The following CTNNAL1 variants were observed in gnomAD, a reference collection of about 807,000 sequenced individuals.
CTNNAL1 encodes the protein alpha-catulin.
A neutral mutation model predicts 93.6 loss-of-function variants in CTNNAL1; 69 were observed. The observed-to-expected ratio is 0.74, with a 90% confidence interval of 0.61 to 0.90. The LOEUF (loss-of-function observed/expected upper bound fraction) is 0.90, where lower values mean the gene tolerates loss of function less well. CTNNAL1 is among the 40% of genes least tolerant of loss of function. The pLI is 0.00. For synonymous variants in CTNNAL1, 286 were observed against 305.4 expected, an observed-to-expected ratio of 0.94 and a Z score of 0.66; for missense variants, 836 against 862.0, an observed-to-expected ratio of 0.97 and a Z score of 0.38.
At chr9:108,987,598 G>A (rs959260877) in intron 4 of CTNNAL1, among the ~76,000 whole-genome samples, 2 of 151,864 alleles carry the variant, frequency 1.3e-5, no homozygotes, top group African/African-American at 4.8e-5. Context: ...GGATGGCATT[G>A]AATCTATAAA....
At chr9:108,998,394 T>C (rs1439208970) in intron 2 of CTNNAL1, among the ~76,000 whole-genome samples, 1 of 152,060 alleles carries the variant, frequency 6.6e-6, no homozygotes, top group African/African-American at 2.4e-5. Flanking sequence ...CTTGCTTTTT[T>C]TTTTTTTTAC....
chr9:108,945,808 G>A (rs1830388335), intron 15 of CTNNAL1, among the ~76,000 whole-genome samples: 1 of 152,082 alleles, frequency 6.6e-6, no homozygotes, highest in African/African-American at 2.4e-5. Context: ...TCAATCCATA[G>A]TTGGTTGAAT....
intron 11 of CTNNAL1, among the ~76,000 whole-genome samples, chr9:108,958,794 C>T (rs1025856115): frequency 6.6e-6 from 1 of 151,564 alleles, no homozygotes; most frequent in Admixed American, 6.6e-5. Context: ...GGTGCAATCT[C>T]GGCTCACTGC....
At chr9:108,943,667 A>G in intron 17 of CTNNAL1, 36 bp downstream of exon 17, 2 of 1,563,056 alleles carry the variant, frequency 1.3e-6, no homozygotes, top group Non-Finnish European at 1.7e-6. Context: ...CCAGATAAAG[A>G]TAGATGTGTG....
At chr9:108,991,515 A>G (rs563754447) in intron 3 of CTNNAL1, among the ~76,000 whole-genome samples, 2 of 152,014 alleles carry the variant, frequency 1.3e-5, no homozygotes, top group South Asian at 2.1e-4. Flanking sequence ...ACATTATTAG[A>G]TTGTTTTAGT....
At chr9:108,972,119 G>A (rs1177675088) in intron 9 of CTNNAL1, among the ~76,000 whole-genome samples, 1 of 152,146 alleles carries the variant, frequency 6.6e-6, no homozygotes, top group Non-Finnish European at 1.5e-5. Context: ...ACCTTGGGCT[G>A]TCTCTGGGCC....
chr9:108,979,978 C>T (rs1303036893), intron 6 of CTNNAL1, among the ~76,000 whole-genome samples: 1 of 152,220 alleles, frequency 6.6e-6, no homozygotes, highest in Non-Finnish European at 1.5e-5. Context: ...AGTCACCTAA[C>T]TGGTCTCCCT....
intron 1 of CTNNAL1, among the ~76,000 whole-genome samples, chr9:109,005,372 C>T (rs1439245779): frequency 1.3e-5 from 2 of 152,156 alleles, no homozygotes; most frequent in East Asian, 3.9e-4. Context: ...TGTTTGTGTC[C>T]CATTCCCCCT....
intron 8 of CTNNAL1, 31 bp from the exon 9 acceptor site, chr9:108,972,864 G>GGGGGGGGGCCT: frequency 7.0e-6 from 1 of 142,590 alleles, no homozygotes; most frequent in Non-Finnish European, 1.0e-5. Flanking sequence ...GGGGGGGTGG[G>GGGGGGGGGCCT]AGGGTGGAGA....
intron 7 of CTNNAL1, among the ~76,000 whole-genome samples, chr9:108,978,341 A>G (rs1201985766): frequency 6.6e-6 from 1 of 152,228 alleles, no homozygotes; most frequent in African/African-American, 2.4e-5. Context: ...GAAATCTGTG[A>G]TTCATATCTA....
intron 14 of CTNNAL1, chr9:108,950,356 G>C: frequency 2.4e-6 from 2 of 841,196 alleles, no homozygotes; most frequent in Non-Finnish European, 3.5e-6. Context: ...CTCAATCACA[G>C]GATAAGCTTG....
intron 1 of CTNNAL1, among the ~76,000 whole-genome samples, chr9:109,010,346 T>C (rs1468613875): frequency 6.6e-6 from 1 of 152,230 alleles, no homozygotes; most frequent in African/African-American, 2.4e-5. Flanking sequence ...ACTGAGACTT[T>C]TGGTTTTTCC....
chr9:108,952,224 A>C lies in CTNNAL1; in HGVS notation c.1820T>G (p.Leu607Arg), dbSNP rs889029260. 1.9e-6 allele frequency: 3 copies of C among 1,610,758 alleles called. No homozygotes were observed. Among genetic ancestry groups the C allele is most frequent in the Non-Finnish European group, 2.5e-6 (3 of 1,178,824 alleles). The change falls in exon 14 of 19, where the codon CTG becomes CGG. Residue 607 changes from leucine (L) to arginine (R), a missense_variant. Coordinates refer to ENST00000325551, the MANE Select transcript of CTNNAL1 (RefSeq NM_003798.4). Reference protein sequence around the residue: ...GRNMSSMAYSLYLFTRGEGPL... With the variant: ...GRNMSSMAYSRYLFTRGEGPL... ...CTACATTTACCTAGTAAATAAATAC[A>C]GAGAATAGGCCATACTGGACATGTT...
intron 10 of CTNNAL1, among the ~76,000 whole-genome samples, chr9:108,969,403 T>C (rs184203779): frequency 6.6e-6 from 1 of 152,082 alleles, no homozygotes; most frequent in Non-Finnish European, 1.5e-5. Flanking sequence ...ACCTCTACTA[T>C]AGAAAATCCA....
intron 10 of CTNNAL1, among the ~76,000 whole-genome samples, chr9:108,969,585 C>G (rs1220277836): frequency 6.6e-6 from 1 of 152,066 alleles, no homozygotes; most frequent in Non-Finnish European, 1.5e-5. Context: ...TTCTGGTTAT[C>G]ATAATTATTA....
chr9:108,979,143 G>A (rs1831347942), intron 7 of CTNNAL1, 138 bp downstream of exon 7: 1 of 1,104,690 alleles, frequency 9.1e-7, no homozygotes, highest in East Asian at 2.6e-5. Context: ...CAACTAGGAG[G>A]GAAAGAAGGG....
chr9:109,010,669 A>G (rs1428601664), intron 1 of CTNNAL1, among the ~76,000 whole-genome samples: 1 of 152,028 alleles, frequency 6.6e-6, no homozygotes, highest in East Asian at 1.9e-4. Context: ...CTGTGAATGC[A>G]AAAAAAACTA....
In CTNNAL1 at chr9:109,013,355, GTCCCGAGTCGA is replaced by G; in HGVS notation, c.77_87del (p.Leu26ProfsTer24). The G allele has an allele frequency of 6.6e-7, 1 of 1,515,536 alleles. No individual in the cohort carries two copies. Among genetic ancestry groups the G allele is most frequent in the Admixed American group, 2.1e-5 (1 of 46,600 alleles). The allele number at this position is 1,515,536 out of a possible 1,614,324, so 93.9% of individuals were successfully genotyped here. On this transcript the variant is annotated frameshift_variant, in exon 1 of 19. Transcript: ENST00000325551. LOFTEE classifies it high-confidence loss of function. ...TCCACCGAGCGAGTTTTGATCTCCA[GTCCCGAGTCGA>G]GGGCGAAGCCCGAAGAGCCGGAGCC...
In CTNNAL1 at chr9:108,970,434, C is replaced by A. The variant is rs1564131585; in HGVS notation, c.1408G>T (p.Ala470Ser). 6.2e-7 allele frequency: 1 copy of A among 1,612,814 alleles called. No homozygotes were observed. The highest frequency in any genetic ancestry group is 8.5e-7 in the Non-Finnish European group (1 of 1,179,506). ...TEPLEITCIH[A>S]EETFQVTGQQ... is the part of the protein sequence containing the mutation. ...CCAGTCACCTGAAATGTCTCCTCTG[C>A]ATGTATACAGGTTATTTCCAGAGGT... The change falls in exon 10 of 19, where the codon GCA becomes TCA. Residue 470 changes from alanine to serine, a missense_variant. By Grantham distance (99) the Ala-to-Ser change is moderately conservative. Transcript: ENST00000325551.
Sources: gnomAD v4.1 joint callset for allele counts (sites outside exome capture counted in the v4.1 genomes callset) on GRCh38, gnomAD v4.1.1 for gene constraint, MANE v1.5 for transcripts, NCBI Gene and HGNC (gene_info 2026-07-23, HGNC 2026-07-21) for gene names.